The following LPIN1 variants were observed in gnomAD, a reference collection of about 807,000 sequenced individuals.
LPIN1 encodes phosphatidate phosphatase LPIN1.
Under a neutral mutation model 107.5 loss-of-function variants are expected in LPIN1, and 71 were observed. The ratio of observed to expected loss-of-function variants is 0.66; its 90% confidence interval spans 0.55 to 0.80. The LOEUF is 0.80. Among genes scored for constraint, LPIN1 ranks in the 30% least tolerant of loss-of-function variants. The probability of loss-of-function intolerance (pLI) is 0.00; values close to 1 mark genes in which losing one functional copy is unlikely to be tolerated. For synonymous variants in LPIN1, 445 were observed against 452.6 expected (o/e 0.98, Z 0.21); for missense variants, 1,043 against 1,160.6 (o/e 0.90, Z 1.47).
chr2:11,782,011 C>G (rs749872034), intron 7 of LPIN1, among the ~76,000 whole-genome samples, 190 bp from the exon 8 acceptor site: 5 of 152,188 alleles, frequency 3.3e-5, no homozygotes, highest in Admixed American at 6.5e-5. Context: ...CAGGAAAGTT[C>G]ATTTGCTTTG....
At chr2:11,743,103 A>G (rs1315716112), upstream of LPIN1, among the ~76,000 whole-genome samples, 1 of 152,154 alleles carries the variant, frequency 6.6e-6, no homozygotes, top group East Asian at 1.9e-4. This position sits in a 1 kb window ranked among gnomAD's most constrained non-coding sequence, Gnocchi z 4.7. Flanking sequence ...CGCGATCACA[A>G]CCCAGACTGT....
intron 1 of LPIN1, among the ~76,000 whole-genome samples, chr2:11,739,661 A>C (rs1666138903): frequency 6.6e-6 from 1 of 152,246 alleles, no homozygotes; most frequent in African/African-American, 2.4e-5. Flanking sequence ...ACACTGTTTA[A>C]AGGAATATAA....
intron 1 of LPIN1, among the ~76,000 whole-genome samples, chr2:11,738,553 A>T (rs998491014): frequency 9.3e-5 from 14 of 149,736 alleles, no homozygotes; most frequent in South Asian, 4.1e-4. Context: ...ACAGCCGGAA[A>T]GCTGGACAAG....
intron 1 of LPIN1, among the ~76,000 whole-genome samples, chr2:11,687,861 G>A (rs1662084897): frequency 6.6e-6 from 1 of 152,254 alleles, no homozygotes; most frequent in Admixed American, 6.5e-5. Flanking sequence ...CAGGGCCGCA[G>A]CTAAGTCTCT....
At chr2:11,695,205 C>T (rs1177215886) in intron 1 of LPIN1, among the ~76,000 whole-genome samples, 2 of 152,204 alleles carry the variant, frequency 1.3e-5, no homozygotes, top group Non-Finnish European at 1.5e-5. Flanking sequence ...ATGGAGTTCA[C>T]ATGGTGGGCA....
chr2:11,684,633 C>T (rs1316324596), intron 1 of LPIN1, among the ~76,000 whole-genome samples: 1 of 152,116 alleles, frequency 6.6e-6, no homozygotes, highest in African/African-American at 2.4e-5. Context: ...CATTCAAATT[C>T]CCTGGGAAAG....
chr2:11,757,982 G>A (rs572628716), intron 1 of LPIN1, among the ~76,000 whole-genome samples: 7 of 152,140 alleles, frequency 4.6e-5, no homozygotes, highest in Non-Finnish European at 7.3e-5. Context: ...CTATGAGTTT[G>A]TCTGTCTAAG....
At chr2:11,783,788 T>C (rs1558899418) in intron 8 of LPIN1, 41 bp from the exon 9 acceptor site, 1 of 1,523,672 alleles carries the variant, frequency 6.6e-7, no homozygotes, top group Non-Finnish European at 9.1e-7. Context: ...AGCTCATTTC[T>C]AGAAGAGTGG....
intron 2 of LPIN1, chr2:11,767,523 C>T (rs906817858): frequency 1.9e-6 from 1 of 536,386 alleles, no homozygotes; most frequent in Non-Finnish European, 3.4e-6. Flanking sequence ...ATTTTTGCAC[C>T]AACGTACTGT....
chr2:11,739,322 C>G (rs567491007), intron 1 of LPIN1, among the ~76,000 whole-genome samples: 1 of 152,210 alleles, frequency 6.6e-6, no homozygotes, highest in Admixed American at 6.5e-5. Context: ...TGCGACCTCA[C>G]GAGAGAGCTT....
chr2:11,804,912 G>A (rs576434206), intron 16 of LPIN1, among the ~76,000 whole-genome samples, 158 bp from the exon 17 acceptor site: 2 of 151,592 alleles, frequency 1.3e-5, no homozygotes, highest in Middle Eastern at 3.5e-3. Flanking sequence ...CTGTCCCTCC[G>A]TCAGCATCAA....
At chr2:11,690,710 C>A (rs1188795593) in intron 1 of LPIN1, among the ~76,000 whole-genome samples, 1 of 152,080 alleles carries the variant, frequency 6.6e-6, no homozygotes, top group Non-Finnish European at 1.5e-5. Context: ...TTAATTCTCT[C>A]TTTTATGTTT....
At chr2:11,723,648 C>G (rs1327068932), upstream of LPIN1, 1 of 151,786 alleles carries the variant, frequency 6.6e-6, no homozygotes, top group Non-Finnish European at 1.5e-5. Context: ...CAGAGCGAGA[C>G]TCCCTCTGAA....
intron 1 of LPIN1, among the ~76,000 whole-genome samples, chr2:11,756,866 A>C (rs1004389925): frequency 6.6e-6 from 1 of 152,236 alleles, no homozygotes; most frequent in Admixed American, 6.5e-5. Flanking sequence ...GAAAGATGGT[A>C]TTCCAGTGGG....
Position 11,697,537 on chromosome 2 carries a change from G to A in LPIN1, c.82-16219G>A, listed in dbSNP as rs1438192453. Among the ~76,000 whole-genome samples the A allele has an allele frequency of 1.3e-5, 2 of 152,230 alleles. No individual in the cohort carries two copies. Among genetic ancestry groups the A allele is most frequent in the African/African-American group, 4.8e-5 (2 of 41,456 alleles). ...TTGGGAATTCATCCCTTCCTCCCTA[G>A]CACTTGGGTGCCCAGTGCTTGCTGA... is the stretch of plus-strand genomic sequence containing the variant. On this transcript the variant is annotated intron_variant, in intron 1 of 21. Coordinates refer to the LPIN1 transcript ENST00000449576. This position sits in a 1 kb window ranked among gnomAD's most constrained non-coding sequence, Gnocchi z 4.6.
intron 17 of LPIN1, among the ~76,000 whole-genome samples, chr2:11,813,893 G>C (rs954047593): frequency 1.3e-5 from 2 of 151,912 alleles, no homozygotes; most frequent in Non-Finnish European, 2.9e-5. Flanking sequence ...CATCCTGGGG[G>C]ACAGAGCAAG....
intron 13 of LPIN1, 117 bp downstream of exon 13, chr2:11,792,123 C>T: frequency 1.2e-6 from 1 of 867,254 alleles, no homozygotes; most frequent in Non-Finnish European, 1.8e-6. Context: ...GCTGAGTTTC[C>T]ATGAGCCAGC....
chr2:11,788,673 T>C (rs1291833112), intron 12 of LPIN1, among the ~76,000 whole-genome samples: 2 of 152,180 alleles, frequency 1.3e-5, no homozygotes. Flanking sequence ...CTCCCAATCA[T>C]GGTCGAGCGG....
intron 1 of LPIN1, among the ~76,000 whole-genome samples, chr2:11,687,650 G>A (rs1453349389): frequency 6.6e-6 from 1 of 152,218 alleles, no homozygotes; most frequent in African/African-American, 2.4e-5. Flanking sequence ...TTTTGACCAG[G>A]CCTGCAATAC....
Sources: allele counts gnomAD v4.1 joint callset (sites outside exome capture counted in the v4.1 genomes callset), GRCh38; gene constraint gnomAD v4.1.1; non-coding constraint Gnocchi (gnomAD v3.1); transcripts MANE v1.5; gene names NCBI Gene and HGNC (gene_info 2026-07-23, HGNC 2026-07-21).